The following APAF1 variants were observed in gnomAD, a reference collection of about 807,000 sequenced individuals.
APAF1 encodes the protein apoptotic protease-activating factor 1.
A neutral mutation model predicts 152.4 loss-of-function variants in APAF1; 91 were observed. That is an observed-to-expected ratio of 0.60 (90% CI 0.50 to 0.71). APAF1 has a LOEUF of 0.71. Ranked by LOEUF, APAF1 falls within the 30% of genes least tolerant of loss-of-function variation. The pLI is 0.00. For synonymous variants in APAF1, 484 were observed against 494.1 expected (o/e 0.98, Z 0.27); for missense variants, 1,283 against 1,472.0 (o/e 0.87, Z 2.10).
rs1280241646 is a variant in APAF1, at chr12:98,725,421, A to C, written c.3337A>C (p.Ser1113Arg). ...TSADKTAKIW[S>R]FDLLLPLHEL... ...AATCCTAATTGCCTTCCAGATCTGG[A>C]GTTTTGATCTCCTTTTGCCACTTCA... is the stretch of plus-strand genomic sequence containing the variant. The change falls in exon 25 of 27, where the codon AGT becomes CGT. Residue 1113 changes from serine to arginine, a missense_variant. Coordinates refer to ENST00000551964, the MANE Select transcript of APAF1 (RefSeq NM_181861.2). 5 of 1,613,848 alleles carry C rather than the reference A, an allele frequency of 3.1e-6. No homozygotes were observed. In the African/African-American group the frequency reaches 6.7e-5, roughly 22 times the overall value.
At position 98,667,650 on chromosome 12, in the gene APAF1, A is replaced by T. The variant is rs896714175; in HGVS notation, c.1494+6A>T. On this transcript the variant is annotated splice_donor_region_variant and intron_variant, in intron 10 of 26. Transcript: ENST00000551964. Reference sequence around the variant, plus strand: ...CCAGTGCCAAGATGCACAAGGTAAGATGACCCATTTAAAAATTCTTTTATC... The same window carrying T: ...CCAGTGCCAAGATGCACAAGGTAAGTTGACCCATTTAAAAATTCTTTTATC... 6.2e-7 allele frequency: 1 copy of T among 1,612,750 alleles called. No individual in the cohort carries two copies. Among genetic ancestry groups the T allele is most frequent in the Admixed American group, 1.7e-5 (1 of 59,980 alleles).
chr12:98,650,250 T>C (rs1314903405), intron 4 of APAF1, among the ~76,000 whole-genome samples: 1 of 151,906 alleles, frequency 6.6e-6, no homozygotes, highest in East Asian at 1.9e-4. Flanking sequence ...TAATCCCAGC[T>C]GAGGCGTGGA....
chr12:98,665,180 C>G (rs1181143325), intron 7 of APAF1, among the ~76,000 whole-genome samples: 1 of 150,468 alleles, frequency 6.6e-6, no homozygotes, highest in African/African-American at 2.4e-5. Context: ...TAGGCACACA[C>G]CACCACACCT....
intron 10 of APAF1, among the ~76,000 whole-genome samples, chr12:98,668,191 A>C (rs188691711): frequency 6.6e-6 from 1 of 152,034 alleles, no homozygotes; most frequent in East Asian, 1.9e-4. Context: ...TATTAGTATA[A>C]TTTTTTATTA....
chr12:98,698,426 GTTTA>G (rs941131409), intron 16 of APAF1, among the ~76,000 whole-genome samples: 1 of 152,024 alleles, frequency 6.6e-6, no homozygotes, highest in East Asian at 1.9e-4. Flanking sequence ...AGGCTTTTAT[GTTTA>G]TTTATTTATT....
chr12:98,702,166 C>T (rs1047127216), intron 17 of APAF1, among the ~76,000 whole-genome samples: 100 of 152,070 alleles, frequency 6.6e-4, no homozygotes, highest in African/African-American at 2.3e-3. Context: ...CCTGGGTTCA[C>T]GCCATTCTCC....
chr12:98,649,452 C>T lies in APAF1; in HGVS notation c.329-35C>T, dbSNP rs377621845. The T allele has an allele frequency of 1.3e-5, 21 of 1,601,642 alleles. No individual in the cohort carries two copies. In the African/African-American group the frequency reaches 2.5e-4, roughly 19 times the overall value. ...TTACTTCAGTAATTATTCCAAAGTT[C>T]TATTCATTCATGCTTGTTTTGTTTT... On this transcript the variant is annotated intron_variant, in intron 3 of 26. Transcript: ENST00000551964.
At chr12:98,714,964 C>G (rs1352128663) in intron 21 of APAF1, among the ~76,000 whole-genome samples, 1 of 150,578 alleles carries the variant, frequency 6.6e-6, no homozygotes, top group Non-Finnish European at 1.5e-5. Context: ...TTCTGATATC[C>G]TGTCTCCCTC....
rs536105132 is a variant in APAF1, at chr12:98,708,793, A to G, written c.2841+89A>G. On this transcript the variant is annotated intron_variant, in intron 20 of 26. Coordinates refer to ENST00000551964, the MANE Select transcript of APAF1 (RefSeq NM_181861.2). Reference sequence around the variant, plus strand: ...CTTGTTTTTGGACTTGAGATTAAGCATAATTATTTTGTATCTAACAGGTGT... The same window carrying G: ...CTTGTTTTTGGACTTGAGATTAAGCGTAATTATTTTGTATCTAACAGGTGT... The G allele has an allele frequency of 3.5e-5, 49 of 1,384,212 alleles. No individual in the cohort carries two copies. The African/African-American group carries it at 6.3e-4, about 18-fold the overall frequency. The allele number at this position is 1,384,212 out of a possible 1,614,324, so 85.7% of individuals were successfully genotyped here.
At chr12:98,658,927 C>T (rs1312806434) in intron 4 of APAF1, among the ~76,000 whole-genome samples, 3 of 152,296 alleles carry the variant, frequency 2.0e-5, no homozygotes, top group Admixed American at 6.5e-5. Context: ...AAGATTTTCC[C>T]GATAAGCCAC....
chr12:98,684,491 T>TCCCTCCTCCTCCC (rs2097695878), intron 15 of APAF1, among the ~76,000 whole-genome samples: 1 of 140,610 alleles, frequency 7.1e-6, no homozygotes, highest in Non-Finnish European at 1.5e-5. Context: ...CTCCTCCTCC[T>TCCCTCCTCCTCCC]CCCTCCTCCT....
chr12:98,657,621 A>G (rs1335737403), intron 4 of APAF1, among the ~76,000 whole-genome samples: 2 of 152,206 alleles, frequency 1.3e-5, no homozygotes, highest in African/African-American at 4.8e-5. Flanking sequence ...AAACTTTGGA[A>G]GCCTGCAATG....
At chr12:98,659,777 GAGAA>G (rs200221100) in intron 5 of APAF1, among the ~76,000 whole-genome samples, 3,081 of 141,022 alleles carry the variant, frequency 0.022, 136 homozygotes, top group African/African-American at 0.075. Flanking sequence ...AAAAAAGAGA[GAGAA>G]AGAAAGAAAG....
At chr12:98,686,107 A>C (rs2097697776) in intron 15 of APAF1, among the ~76,000 whole-genome samples, 1 of 152,262 alleles carries the variant, frequency 6.6e-6, no homozygotes, top group Admixed American at 6.5e-5. Flanking sequence ...ATGTTCACTT[A>C]TTCCATATTC....
In APAF1 at chr12:98,723,756, A is replaced by G. The variant is rs780544831; in HGVS notation, c.3322A>G (p.Thr1108Ala). The G allele has an allele frequency of 6.2e-7, 1 of 1,613,886 alleles. No homozygotes were observed. The highest frequency in any genetic ancestry group is 1.7e-5 in the Admixed American group (1 of 60,026). ...GTTTTCATCTACCTCTGCTGACAAG[A>G]CTGCAAAGGTAGGTCAATCAATTGA... ...TKFSSTSADK[T>A]AKIWSFDLLL... The change falls in exon 24 of 27, where the codon ACT becomes GCT. Residue 1108 changes from threonine (T) to alanine (A), a missense_variant. Coordinates refer to ENST00000551964, the MANE Select transcript of APAF1 (RefSeq NM_181861.2).
rs147589428 is a variant in APAF1 at position 98,705,957 on chromosome 12, C to T, written c.2596-528C>T. 4.0e-4 allele frequency among the ~76,000 whole-genome samples: 60 copies of T among 151,890 alleles called. No individual in the cohort carries two copies. In the East Asian group the frequency reaches 7.2e-3, roughly 18 times the overall value. On this transcript the variant is annotated intron_variant, in intron 18 of 26. Transcript: ENST00000551964. ...CTTTCATCCCTATCCCTTCGCCTCG[C>T]TCTCCCTCCTTCCCTGCATATGTAA... is the stretch of plus-strand genomic sequence containing the variant.
rs763238156 is a variant in APAF1 at position 98,715,558 on chromosome 12, A to G, written c.3084+6A>G. The G allele has an allele frequency of 6.2e-7, 1 of 1,613,320 alleles. No individual in the cohort carries two copies. Among genetic ancestry groups the G allele is most frequent in the South Asian group, 1.1e-5 (1 of 91,074 alleles). ...CTGATGATGCTGAAATTCAGGTGAGAGGGAGGATGAACTCTTAACATATTT... is the reference window on the plus strand; with the variant it reads ...CTGATGATGCTGAAATTCAGGTGAGGGGGAGGATGAACTCTTAACATATTT... On this transcript the variant is annotated splice_donor_region_variant and intron_variant, in intron 22 of 26. Coordinates refer to ENST00000551964, the MANE Select transcript of APAF1 (RefSeq NM_181861.2).
At chr12:98,718,485 G>T (rs1272532426) in intron 22 of APAF1, among the ~76,000 whole-genome samples, 1 of 152,030 alleles carries the variant, frequency 6.6e-6, no homozygotes. Context: ...TCTCACCTTG[G>T]CCTCCCAAAG....
At chr12:98,718,705 G>T (rs2097737870) in intron 22 of APAF1, among the ~76,000 whole-genome samples, 1 of 152,096 alleles carries the variant, frequency 6.6e-6, no homozygotes, top group Non-Finnish European at 1.5e-5. Flanking sequence ...GGAGTCTGAG[G>T]TGGGAGGATT....
Sources: allele counts gnomAD v4.1 joint callset (sites outside exome capture counted in the v4.1 genomes callset), GRCh38; gene constraint gnomAD v4.1.1; transcripts MANE v1.5; gene names NCBI Gene and HGNC (gene_info 2026-07-23, HGNC 2026-07-21).